KLRG2: variants seen among roughly 807,000 people sequenced by gnomAD.
The protein encoded by KLRG2 is killer cell lectin-like receptor subfamily G member 2.
KLRG2 carries 39 observed loss-of-function variants against 35.4 expected under a neutral mutation model. That is an observed-to-expected ratio of 1.10 (90% CI 0.85 to 1.44). The LOEUF (loss-of-function observed/expected upper bound fraction) is 1.44. KLRG2 is among the 40% of genes most tolerant of loss of function. The pLI is 0.00. For synonymous variants in KLRG2, 283 were observed against 265.8 expected, an observed-to-expected ratio of 1.06 and a Z score of -0.63; for missense variants, 632 against 570.9, an observed-to-expected ratio of 1.11 and a Z score of -1.09.
chr7:139,477,810 T>C (rs1429950468), intron 3 of KLRG2, among the ~76,000 whole-genome samples: 1 of 151,966 alleles, frequency 6.6e-6, no homozygotes, highest in Non-Finnish European at 1.5e-5. Context: ...CCAGGCCGGA[T>C]TGCAGTGGCA....
chr7:139,443,094 C>CTTTTTTT, the KLRG2 span, among the ~76,000 whole-genome samples: 8 of 120,568 alleles, frequency 6.6e-5, 1 homozygote, highest in East Asian at 4.6e-4. Flanking sequence ...GGAAAAAAAA[C>CTTTTTTT]TTTTTTTTTT....
chr7:139,448,458 G>A (rs2116411877), downstream of KLRG2, among the ~76,000 whole-genome samples: 1 of 152,296 alleles, frequency 6.6e-6, no homozygotes, highest in African/African-American at 2.4e-5. Context: ...ATACTGCACT[G>A]AATACTGTTG....
chr7:139,435,247 T>C, the KLRG2 span, among the ~76,000 whole-genome samples: 1 of 152,196 alleles, frequency 6.6e-6, no homozygotes, highest in Non-Finnish European at 1.5e-5. Flanking sequence ...CCCAGCACTT[T>C]GGGAGGCCGA....
At chr7:139,445,379 T>G in the KLRG2 span, among the ~76,000 whole-genome samples, 1 of 152,126 alleles carries the variant, frequency 6.6e-6, no homozygotes, top group African/African-American at 2.4e-5. Context: ...TGGGCTGGCA[T>G]CATTCTAAGC....
chr7:139,459,107 T>A (rs1478916704), intron 3 of KLRG2, among the ~76,000 whole-genome samples: 1 of 152,234 alleles, frequency 6.6e-6, no homozygotes, highest in African/African-American at 2.4e-5. Flanking sequence ...TTTCTGCAGA[T>A]TTACTTATGT....
rs1430959698 is a variant in KLRG2 at position 139,453,631 on chromosome 7, A to C, written c.1186T>G (p.Cys396Gly). The C allele has an allele frequency of 6.2e-7, 1 of 1,613,384 alleles. No homozygotes were observed. Residue 396 changes from cysteine (C) to glycine (G), a missense_variant, in exon 5 of 5, where the codon TGC becomes GGC. Cys to Gly is a radical substitution (Grantham distance 159). Transcript: ENST00000340940. ...CAGACCCAGGGTCTTGGAGTGCTGC[A>C]GTTTGCAGCCACCAGCGTGCCTTCC... ...LEEGTLVAAN[C>G]STPRPWVCAK...
intron 3 of KLRG2, 59 bp from the exon 4 acceptor site, chr7:139,454,273 G>A (rs943217155): frequency 6.6e-5 from 55 of 827,412 alleles, no homozygotes; most frequent in Non-Finnish European, 5.1e-5. Context: ...TGCCTGGGGC[G>A]TACGGATTCC....
intron 3 of KLRG2, among the ~76,000 whole-genome samples, chr7:139,459,207 C>T (rs1310954108): frequency 6.6e-6 from 1 of 152,188 alleles, no homozygotes; most frequent in African/African-American, 2.4e-5. Flanking sequence ...CACCTCCCCC[C>T]ATTGGCAACA....
At chr7:139,451,865 C>T (rs921378800), downstream of KLRG2, among the ~76,000 whole-genome samples, 4 of 151,608 alleles carry the variant, frequency 2.6e-5, no homozygotes, top group African/African-American at 9.7e-5. Flanking sequence ...GGGATGGGGG[C>T]GGTAACATAC....
chr7:139,474,566 C>T (rs1462864631), intron 3 of KLRG2, among the ~76,000 whole-genome samples: 1 of 151,794 alleles, frequency 6.6e-6, no homozygotes, highest in Non-Finnish European at 1.5e-5. Context: ...TGAGACCAGC[C>T]TGGCCAACAT....
intron 3 of KLRG2, among the ~76,000 whole-genome samples, chr7:139,471,946 A>C (rs56813344): frequency 0.012 from 1,832 of 152,334 alleles, 43 homozygotes; most frequent in African/African-American, 0.042. Flanking sequence ...TGGGAAGCAC[A>C]ATACAGAAGG....
At chr7:139,431,671 G>GAA in the KLRG2 span, among the ~76,000 whole-genome samples, 2 of 152,174 alleles carry the variant, frequency 1.3e-5, no homozygotes, top group African/African-American at 4.8e-5. Flanking sequence ...TGGGGCTGGT[G>GAA]GTAATGTTGA....
rs201379935 is a variant in KLRG2, at chr7:139,479,680, G to A, written c.952C>T (p.Gln318Ter). 1.2e-6 allele frequency: 2 copies of A among 1,613,964 alleles called. No individual in the cohort carries two copies. Among genetic ancestry groups the A allele is most frequent in the East Asian group, 4.5e-5 (2 of 44,888 alleles). Residue 318 changes from glutamine (Q) to a stop codon, truncating the protein, a stop_gained, in exon 3 of 5, where the codon CAG becomes TAG. Transcript: ENST00000340940. LOFTEE classifies it high-confidence loss of function. Reference sequence around the variant, plus strand: ...GCGTGGTAGGCTGAGCAGAAAGCCTGGCTGGCTTCCCAGGCCTGCGCTTCT... The same window carrying A: ...GCGTGGTAGGCTGAGCAGAAAGCCTAGCTGGCTTCCCAGGCCTGCGCTTCT... ...SAEAQAWEAS[Q>*]AFCSAYHATL...
chr7:139,474,943 C>T (rs181501092), intron 3 of KLRG2, among the ~76,000 whole-genome samples: 383 of 152,258 alleles, frequency 2.5e-3, no homozygotes, highest in African/African-American at 7.6e-3. Context: ...CAAGGCAGGA[C>T]TCTAATCTGC....
intron 1 of KLRG2, among the ~76,000 whole-genome samples, chr7:139,482,355 C>T (rs1229863966): frequency 6.6e-6 from 1 of 151,940 alleles, no homozygotes; most frequent in Non-Finnish European, 1.5e-5. Flanking sequence ...TTTGAAAGTT[C>T]GGGAGTGCGG....
the KLRG2 span, among the ~76,000 whole-genome samples, chr7:139,438,706 G>A: frequency 9.0e-5 from 13 of 144,120 alleles, no homozygotes; most frequent in Non-Finnish European, 1.5e-4. Flanking sequence ...ATGGAGTTTC[G>A]CTCTTGTTGC....
chr7:139,480,241 G>T lies in KLRG2; in HGVS notation c.764C>A (p.Pro255His). 6.3e-7 allele frequency: 1 copy of T among 1,593,466 alleles called. No individual in the cohort carries two copies. Among genetic ancestry groups the T allele is most frequent in the Non-Finnish European group, 8.6e-7 (1 of 1,161,604 alleles). The change falls in exon 2 of 5, where the codon CCC (proline) becomes CAC (histidine). Residue 255 changes from proline to histidine, a missense_variant. Pro to His is a moderately conservative substitution (Grantham distance 77). Coordinates refer to ENST00000340940, the MANE Select transcript of KLRG2 (RefSeq NM_198508.4). The stretch of plus-strand genomic sequence containing the variant: ...CCAGTACAGGGACTTCACGTACATG[G>T]GTAGCCCTGGGACGGGGGCAAACAG... Reference protein sequence around the residue: ...LPRAVTLTGLPMYVKSLYWAL... With the variant: ...LPRAVTLTGLHMYVKSLYWAL...
intron 3 of KLRG2, among the ~76,000 whole-genome samples, chr7:139,459,393 A>G (rs1002217292): frequency 6.6e-6 from 1 of 152,238 alleles, no homozygotes; most frequent in Non-Finnish European, 1.5e-5. Flanking sequence ...CCCTGCAACA[A>G]TATGATCCCC....
the KLRG2 span, among the ~76,000 whole-genome samples, chr7:139,443,204 C>T: frequency 1.4e-5 from 2 of 147,080 alleles, no homozygotes; most frequent in Non-Finnish European, 3.0e-5. Flanking sequence ...AAGGGATTCT[C>T]CTGCCTCAGC....
Sources: gnomAD v4.1 joint callset for allele counts (sites outside exome capture counted in the v4.1 genomes callset) on GRCh38, gnomAD v4.1.1 for gene constraint, MANE v1.5 for transcripts, NCBI Gene and HGNC (gene_info 2026-07-23, HGNC 2026-07-21) for gene names.